Variants in AOPEP observed in about 807,000 individuals in gnomAD.
The protein encoded by AOPEP is aminopeptidase O.
In AOPEP, 77 loss-of-function variants were observed where a neutral mutation model predicts 98.1. That is an observed-to-expected ratio of 0.78 (90% CI 0.65 to 0.95). The LOEUF (loss-of-function observed/expected upper bound fraction) is 0.95, where lower values mean the gene tolerates loss of function less well. Ranked by LOEUF, AOPEP falls within the 40% of genes least tolerant of loss-of-function variation. The probability of loss-of-function intolerance (pLI) is 0.00; values close to 1 mark genes in which losing one functional copy is unlikely to be tolerated. For missense variants in AOPEP, 1,024 were observed against 1,024.7 expected, an observed-to-expected ratio of 1.00 and a Z score of 0.01; for synonymous variants, 346 against 365.3, an observed-to-expected ratio of 0.95 and a Z score of 0.60.
At chr9:94,746,294 A>G (rs912506610) in intron 1 of AOPEP, among the ~76,000 whole-genome samples, 7 of 152,190 alleles carry the variant, frequency 4.6e-5, no homozygotes, top group African/African-American at 1.4e-4. Context: ...GGCCATGGAT[A>G]TCTCGGTTAA....
intron 5 of AOPEP, among the ~76,000 whole-genome samples, chr9:94,882,726 A>G (rs2047732201): frequency 6.6e-6 from 1 of 152,250 alleles, no homozygotes; most frequent in South Asian, 2.1e-4. Flanking sequence ...CAGTGAGCCA[A>G]GATTGTGCCA....
intron 7 of AOPEP, among the ~76,000 whole-genome samples, chr9:94,948,275 G>A (rs979863308): frequency 2.6e-5 from 4 of 151,712 alleles, no homozygotes; most frequent in Non-Finnish European, 4.4e-5. Context: ...ACACCCTTGG[G>A]GCTCTGTTTT....
At chr9:94,982,634 T>C (rs1255759611) in intron 11 of AOPEP, among the ~76,000 whole-genome samples, 1 of 148,572 alleles carries the variant, frequency 6.7e-6, no homozygotes, top group Non-Finnish European at 1.5e-5. Context: ...AGTGGTATGA[T>C]CATGGCTCAC....
the AOPEP span, among the ~76,000 whole-genome samples, chr9:95,148,337 C>CT: frequency 2.0e-5 from 3 of 152,330 alleles, no homozygotes; most frequent in East Asian, 5.8e-4. Flanking sequence ...AGTGGGCTCA[C>CT]TTGACCACTT....
At chr9:94,888,461 C>T (rs2048490052) in intron 5 of AOPEP, among the ~76,000 whole-genome samples, 1 of 152,114 alleles carries the variant, frequency 6.6e-6, no homozygotes, top group Non-Finnish European at 1.5e-5. Flanking sequence ...AGTATCAAAA[C>T]CAGCAAATTC....
intron 5 of AOPEP, among the ~76,000 whole-genome samples, chr9:94,914,913 A>G (rs1315644054): frequency 6.6e-6 from 1 of 152,322 alleles, no homozygotes; most frequent in East Asian, 1.9e-4. Flanking sequence ...CTTTTAGCAA[A>G]TATTTCATGG....
intron 5 of AOPEP, among the ~76,000 whole-genome samples, chr9:94,857,048 ATAT>A (rs2044310541): frequency 2.6e-5 from 4 of 152,228 alleles, no homozygotes; most frequent in Middle Eastern, 3.2e-3. Context: ...TGCTCTGGAC[ATAT>A]TATTGTAAGT....
chr9:94,887,035 C>T (rs936105830), intron 5 of AOPEP, among the ~76,000 whole-genome samples: 2 of 151,916 alleles, frequency 1.3e-5, no homozygotes, highest in Non-Finnish European at 2.9e-5. Context: ...TATGAGTGGG[C>T]GTAGTTTAAC....
the AOPEP span, among the ~76,000 whole-genome samples, chr9:95,144,498 T>C: frequency 5.9e-5 from 9 of 151,996 alleles, no homozygotes; most frequent in Non-Finnish European, 8.8e-5. Flanking sequence ...AGAGCAGGAG[T>C]AGCTGTTCTC....
intron 3 of AOPEP, among the ~76,000 whole-genome samples, chr9:94,790,030 C>A (rs532900168): frequency 6.6e-6 from 1 of 151,550 alleles, no homozygotes; most frequent in Admixed American, 6.6e-5. Flanking sequence ...CCCACCATCA[C>A]GCCCGGCTAA....
chr9:95,005,989 C>T (rs1225229151), intron 13 of AOPEP: 2 of 484,992 alleles, frequency 4.1e-6, no homozygotes, highest in African/African-American at 4.0e-5. Flanking sequence ...GCTGTACTTT[C>T]TCTCACCTAG....
At chr9:94,841,625 T>C (rs1250007230) in intron 5 of AOPEP, among the ~76,000 whole-genome samples, 4 of 152,086 alleles carry the variant, frequency 2.6e-5, no homozygotes, top group Admixed American at 6.5e-5. Context: ...CTTTCTATTA[T>C]TGATTTTTAG....
intron 5 of AOPEP, among the ~76,000 whole-genome samples, chr9:94,806,684 G>A (rs1849332205): frequency 6.6e-6 from 1 of 152,158 alleles, no homozygotes; most frequent in Non-Finnish European, 1.5e-5. Flanking sequence ...CCCTTCTAAT[G>A]TGTTCTGGTT....
chr9:95,017,625 G>A (rs1328843795), intron 13 of AOPEP, among the ~76,000 whole-genome samples: 2 of 152,114 alleles, frequency 1.3e-5, no homozygotes, highest in Admixed American at 6.5e-5. Context: ...TCTGAGTCTC[G>A]CTCTTAATGA....
At chr9:95,020,429 G>A (rs1371416699) in intron 13 of AOPEP, among the ~76,000 whole-genome samples, 2 of 152,124 alleles carry the variant, frequency 1.3e-5, no homozygotes, top group Non-Finnish European at 2.9e-5. Flanking sequence ...AACTGAGTCA[G>A]ATTTTGAGAG....
chr9:95,080,858 ATC>A lies in AOPEP; in HGVS notation c.2319+82_2319+83del, dbSNP rs1250017505. ...TCACACAGGAATCCACGTTCTCAGTATCTCTTTCATAACAAATAATTAAATCT... is the reference window on the plus strand; with the variant it reads ...TCACACAGGAATCCACGTTCTCAGTATCTTTCATAACAAATAATTAAATCT... On this transcript the variant is annotated intron_variant, in intron 15 of 16. Transcript: ENST00000375315. 10 of 936,798 alleles carry A rather than the reference ATC, an allele frequency of 1.1e-5. No individual in the cohort carries two copies. The South Asian group carries it at 1.3e-4, about 12-fold the overall frequency. 58.0% of individuals were successfully genotyped at this position (936,798 alleles called of 1,614,324 possible).
intron 5 of AOPEP, among the ~76,000 whole-genome samples, chr9:94,809,022 G>A (rs1281720243): frequency 6.6e-6 from 1 of 152,238 alleles, no homozygotes; most frequent in African/African-American, 2.4e-5. Context: ...GAAAGGGGTG[G>A]ATGGACAAAG....
At chr9:94,838,853 A>C (rs1214854324) in intron 5 of AOPEP, among the ~76,000 whole-genome samples, 1 of 150,652 alleles carries the variant, frequency 6.6e-6, no homozygotes, top group East Asian at 1.9e-4. Context: ...CCAGATTGAT[A>C]CCTAAGTATT....
intron 11 of AOPEP, among the ~76,000 whole-genome samples, chr9:95,000,336 C>G (rs2061483934): frequency 6.6e-6 from 1 of 152,186 alleles, no homozygotes; most frequent in South Asian, 2.1e-4. Flanking sequence ...CTTTATGTAG[C>G]ATCTTTTATA....
Sources: allele counts gnomAD v4.1 joint callset (sites outside exome capture counted in the v4.1 genomes callset), GRCh38; gene constraint gnomAD v4.1.1; transcripts MANE v1.5; gene names NCBI Gene and HGNC (gene_info 2026-07-23, HGNC 2026-07-21).